GLT8D2: variants seen among roughly 807,000 people sequenced by gnomAD.
The protein encoded by GLT8D2 is glycosyltransferase 8 domain containing 2.
In GLT8D2, 45 loss-of-function variants were observed where a neutral mutation model predicts 44.5. The observed-to-expected ratio is 1.01, with a 90% CI of 0.80 to 1.30. The LOEUF is 1.30. Among genes scored for constraint, GLT8D2 ranks in the 50% most tolerant of loss-of-function variants. The pLI, the probability that GLT8D2 is intolerant of heterozygous loss-of-function variation, is 0.00. For synonymous variants in GLT8D2, 156 were observed against 157.2 expected (o/e 0.99, Z 0.06); for missense variants, 400 against 430.4 (o/e 0.93, Z 0.62).
chr12:104,018,514 C>T (rs781135973), intron 3 of GLT8D2, among the ~76,000 whole-genome samples: 5 of 152,130 alleles, frequency 3.3e-5, no homozygotes, highest in African/African-American at 7.2e-5. Context: ...AACAAAACTA[C>T]AGAGAAGCAG....
In GLT8D2 at chr12:104,048,373, C is replaced by T. The variant is rs375632923; in HGVS notation, c.-164+1522G>A. Among the ~76,000 whole-genome samples, 3 of 152,206 alleles carry T rather than the reference C, an allele frequency of 2.0e-5. No homozygotes were observed. In the South Asian group the frequency reaches 6.2e-4, roughly 31 times the overall value. On this transcript the variant is annotated intron_variant, in intron 1 of 10. Coordinates refer to ENST00000360814, the MANE Select transcript of GLT8D2 (RefSeq NM_001384711.1). ...AGGACTTCTCAGGACCTTTAAAATG[C>T]TATTATGCCTTGCGATCTCTAAGAG...
At chr12:104,016,774 A>AGAAGGAAGGAAGGAAGGAAG (rs1160367285) in intron 3 of GLT8D2, among the ~76,000 whole-genome samples, 12 of 58,392 alleles carry the variant, frequency 2.1e-4, no homozygotes, top group African/African-American at 8.9e-4. Flanking sequence ...AAAGAAAGAA[A>AGAAGGAAGGAAGGAAGGAAG]GAAGGAAGGA....
chr12:103,992,783 C>A (rs991375314), intron 10 of GLT8D2, among the ~76,000 whole-genome samples: 1 of 152,120 alleles, frequency 6.6e-6, no homozygotes, highest in Admixed American at 6.5e-5. Flanking sequence ...TGAGCCACCA[C>A]GCCCGGCCGA....
chr12:104,007,392 A>G (rs1379247843), intron 4 of GLT8D2, among the ~76,000 whole-genome samples: 1 of 151,978 alleles, frequency 6.6e-6, no homozygotes, highest in Non-Finnish European at 1.5e-5. Context: ...ATTTCTTGAA[A>G]TTAACTACCA....
At chr12:104,031,536 A>C in intron 1 of GLT8D2, 14 of 1,612,390 alleles carry the variant, frequency 8.7e-6, no homozygotes, top group Non-Finnish European at 1.2e-5. Context: ...GGCAAGGCCA[A>C]GAAGTGAAGG....
At chr12:104,046,833 A>ATT (rs368894147) in intron 1 of GLT8D2, among the ~76,000 whole-genome samples, 5 of 147,280 alleles carry the variant, frequency 3.4e-5, no homozygotes, top group South Asian at 2.1e-4. Flanking sequence ...GTCTTACTCC[A>ATT]TTTTTTTTTT....
intron 1 of GLT8D2, among the ~76,000 whole-genome samples, chr12:104,027,394 G>A (rs1021723275): frequency 5.3e-5 from 8 of 152,344 alleles, no homozygotes; most frequent in African/African-American, 9.6e-5. Flanking sequence ...GGTATCACAG[G>A]AGAGAACGGG....
chr12:104,040,190 A>G (rs557724365), intron 1 of GLT8D2, among the ~76,000 whole-genome samples: 3 of 152,176 alleles, frequency 2.0e-5, no homozygotes, highest in Non-Finnish European at 4.4e-5. Context: ...AGAAATAGCT[A>G]ATGTAAATGA....
chr12:103,992,619 A>G (rs1286583519), intron 10 of GLT8D2, among the ~76,000 whole-genome samples: 2 of 151,656 alleles, frequency 1.3e-5, no homozygotes, highest in Non-Finnish European at 2.9e-5. Context: ...CAGCCTCCCG[A>G]GTAGCTGGGA....
upstream of GLT8D2, among the ~76,000 whole-genome samples, chr12:104,052,767 A>T (rs556524665): frequency 2.6e-4 from 27 of 102,074 alleles, no homozygotes; most frequent in African/African-American, 6.7e-4. Context: ...TTTATGTATT[A>T]ATTATTATTA....
chr12:104,006,221 C>A, intron 4 of GLT8D2, among the ~76,000 whole-genome samples: 1 of 128,602 alleles, frequency 7.8e-6, no homozygotes, highest in African/African-American at 3.1e-5. Flanking sequence ...CATCACATAC[C>A]AGGTGTGGGG....
chr12:104,046,294 T>C (rs1463460643), intron 1 of GLT8D2, among the ~76,000 whole-genome samples: 1 of 152,266 alleles, frequency 6.6e-6, no homozygotes. Flanking sequence ...AGCAATTCTA[T>C]GTGCTAGGCA....
chr12:104,051,261 C>A (rs1470819541), upstream of GLT8D2, among the ~76,000 whole-genome samples: 15 of 152,020 alleles, frequency 9.9e-5, 1 homozygote, highest in Admixed American at 9.8e-4. Flanking sequence ...GCTGAGATTA[C>A]AGGTGCACAT....
upstream of GLT8D2, among the ~76,000 whole-genome samples, chr12:104,054,390 A>G (rs142523760): frequency 0.011 from 1,722 of 152,190 alleles, 13 homozygotes; most frequent in Middle Eastern, 0.041. Context: ...TATGTACCAC[A>G]ATATATTTAT....
intron 8 of GLT8D2, among the ~76,000 whole-genome samples, 174 bp downstream of exon 8, chr12:103,996,561 G>T (rs1451769534): frequency 6.6e-6 from 1 of 152,202 alleles, no homozygotes; most frequent in Non-Finnish European, 1.5e-5. Flanking sequence ...GTAAGGCATG[G>T]AGCTAAGATA....
intron 10 of GLT8D2, among the ~76,000 whole-genome samples, chr12:103,991,823 TAAAAA>T (rs11340919): frequency 4.0e-4 from 49 of 123,176 alleles, no homozygotes; most frequent in East Asian, 3.5e-3. Context: ...TTACGTCCTT[TAAAAA>T]AAAAAAAAAA....
rs553086173 is a variant in GLT8D2 at position 103,991,816 on chromosome 12, C to T, written c.880+1576G>A. Among the ~76,000 whole-genome samples, 53 of 105,470 alleles carry T rather than the reference C, an allele frequency of 5.0e-4. 1 individual carries two copies. In the East Asian group the frequency reaches 0.012, roughly 25 times the overall value. 69.2% of individuals were successfully genotyped at this position (105,470 alleles called of 152,430 possible). A position where few individuals can be genotyped will look rare whatever the true frequency, so the allele number is the denominator to read the frequency against. On this transcript the variant is annotated intron_variant, in intron 10 of 10. Transcript: ENST00000360814. ...TACAGGAACTCAGCCTCCACAATTACGTCCTTTAAAAAAAAAAAAAAAAAA... is the reference window on the plus strand; with the variant it reads ...TACAGGAACTCAGCCTCCACAATTATGTCCTTTAAAAAAAAAAAAAAAAAA...
intron 1 of GLT8D2, among the ~76,000 whole-genome samples, chr12:104,025,860 T>C (rs1317293824): frequency 6.6e-6 from 1 of 152,174 alleles, no homozygotes. Context: ...GGATGACATG[T>C]GTCCCAAAGA....
At chr12:104,010,792 C>T (rs1875735012) in intron 4 of GLT8D2, among the ~76,000 whole-genome samples, 2 of 152,182 alleles carry the variant, frequency 1.3e-5, no homozygotes, top group Admixed American at 1.3e-4. Flanking sequence ...TTTGGAAGTG[C>T]TTAATGAAAG....
Sources: allele counts gnomAD v4.1 joint callset (sites outside exome capture counted in the v4.1 genomes callset), GRCh38; gene constraint gnomAD v4.1.1; transcripts MANE v1.5; gene names NCBI Gene and HGNC (gene_info 2026-07-23, HGNC 2026-07-21).